The following ZNF510 variants were observed in gnomAD, a reference collection of about 807,000 sequenced individuals.
ZNF510 encodes zinc finger protein 510.
In ZNF510, 15 loss-of-function variants were observed where a neutral mutation model predicts 18.1. The ratio of observed to expected loss-of-function variants is 0.83; its 90% CI spans 0.55 to 1.28. The LOEUF (loss-of-function observed/expected upper bound fraction) is 1.28, where lower values mean the gene tolerates loss of function less well. ZNF510 is among the 50% of genes most tolerant of loss of function. The pLI is 0.00. For synonymous variants in ZNF510, 261 were observed against 266.4 expected (o/e 0.98, Z 0.20); for missense variants, 724 against 791.8 (o/e 0.91, Z 1.03).
intron 3 of ZNF510, among the ~76,000 whole-genome samples, chr9:96,764,213 T>C (rs1849418877): frequency 6.6e-6 from 1 of 152,166 alleles, no homozygotes; most frequent in Admixed American, 6.5e-5. Flanking sequence ...AAAATGTAAA[T>C]AAACTTCCTA....
Position 96,759,038 on chromosome 9 carries a change from T to A in ZNF510, c.1792A>T (p.Lys598Ter). 1 of 1,614,040 alleles carries A rather than the reference T, an allele frequency of 6.2e-7. No individual in the cohort carries two copies. ...RVHQRIHTGEKPFKCNECGKK... is the reference protein window; with the variant it reads ...RVHQRIHTGE ...CCACATTCATTACATTTAAATGGTT[T>A]CTCCCCAGTGTGAATTCTTTGATGC... The change falls in exon 6 of 6, where the codon AAA becomes TAA. Residue 598 changes from lysine (K) to a stop codon, truncating the protein, a stop_gained. Transcript: ENST00000223428. LOFTEE classifies it low-confidence loss of function (END_TRUNC).
chr9:96,761,744 A>AT lies in ZNF510; in HGVS notation c.353-1268dup, dbSNP rs535246392. ...TACATAAATATAGCCATATATGCAT[A>AT]TTTTTTCTTTTGGTTAATATTATGT... On this transcript the variant is annotated intron_variant, in intron 5 of 5. Coordinates refer to ENST00000223428, the MANE Select transcript of ZNF510 (RefSeq NM_014930.3). 2.4e-4 allele frequency among the ~76,000 whole-genome samples: 36 copies of AT among 152,118 alleles called. 1 individual carries two copies. In the South Asian group the frequency reaches 7.1e-3, roughly 30 times the overall value.
In ZNF510 at chr9:96,776,237, C is replaced by T. The variant is rs1321201367; in HGVS notation, c.-168G>A. Reference sequence around the variant, plus strand: ...CGGTGGGACTCCTGTTCCTGGGGCTCCCTCCTTCCTGCAACATAAAGAGCT... The same window carrying T: ...CGGTGGGACTCCTGTTCCTGGGGCTTCCTCCTTCCTGCAACATAAAGAGCT... On this transcript the variant is annotated 5_prime_UTR_variant, in exon 2 of 6. Coordinates refer to ENST00000223428, the MANE Select transcript of ZNF510 (RefSeq NM_014930.3). 1.6e-6 allele frequency: 2 copies of T among 1,270,954 alleles called. No individual in the cohort carries two copies. The highest frequency in any genetic ancestry group is 3.1e-5 in the African/African-American group (2 of 64,656). The allele number at this position is 1,270,954 out of a possible 1,614,324, so 78.7% of individuals were successfully genotyped here.
chr9:96,770,484 C>T (rs1460242112), intron 3 of ZNF510, among the ~76,000 whole-genome samples: 1 of 151,508 alleles, frequency 6.6e-6, no homozygotes, highest in Admixed American at 6.6e-5. Context: ...TGCCTGTAAT[C>T]CCAGCTACTT....
intron 5 of ZNF510, among the ~76,000 whole-genome samples, chr9:96,760,880 G>A (rs757962515): frequency 4.6e-5 from 7 of 152,020 alleles, no homozygotes; most frequent in Non-Finnish European, 1.0e-4. Flanking sequence ...AGGAATTTTG[G>A]AATAGACTCA....
chr9:96,758,522 T>C lies in ZNF510; in HGVS notation c.*256A>G. On this transcript the variant is annotated 3_prime_UTR_variant, in exon 6 of 6. Transcript: ENST00000223428. ...AGCTATCTAATAGGGTATGACTTCA[T>C]TCAGGCCTATCCATAGTACTCTGAA... 1 of 401,662 alleles carries C rather than the reference T, an allele frequency of 2.5e-6. No homozygotes were observed. The highest frequency in any genetic ancestry group is 4.4e-6 in the Non-Finnish European group (1 of 226,898). The allele number at this position is 401,662 out of a possible 1,614,324, so 24.9% of individuals were successfully genotyped here. A position where few individuals can be genotyped will look rare whatever the true frequency, so the allele number is the denominator to read the frequency against.
At chr9:96,769,726 G>A (rs1849547732) in intron 3 of ZNF510, among the ~76,000 whole-genome samples, 1 of 152,050 alleles carries the variant, frequency 6.6e-6, no homozygotes, top group African/African-American at 2.4e-5. Context: ...TCTTATAACT[G>A]AACAACAAAA....
At position 96,755,515 on chromosome 9, in the gene ZNF510, G is replaced by T. The variant is rs1432533615; in HGVS notation, c.*3263C>A. Reference sequence around the variant, plus strand: ...CATTTTCTTGGTAAGGCTGCTGGCAGTTCTACAGTTACAATGTAACTGGCC... The same window carrying T: ...CATTTTCTTGGTAAGGCTGCTGGCATTTCTACAGTTACAATGTAACTGGCC... On this transcript the variant is annotated 3_prime_UTR_variant, in exon 6 of 6. Transcript: ENST00000223428. Among the ~76,000 whole-genome samples, 1 of 152,132 alleles carries T rather than the reference G, an allele frequency of 6.6e-6. No individual in the cohort carries two copies. Among genetic ancestry groups the T allele is most frequent in the East Asian group, 1.9e-4 (1 of 5,180 alleles).
Position 96,759,046 on chromosome 9 carries a change from G to A in ZNF510, c.1784C>T (p.Thr595Ile), listed in dbSNP as rs1403397937. 6.2e-7 allele frequency: 1 copy of A among 1,613,868 alleles called. No homozygotes were observed. The highest frequency in any genetic ancestry group is 8.5e-7 in the Non-Finnish European group (1 of 1,179,976). ...ATTACATTTAAATGGTTTCTCCCCA[G>A]TGTGAATTCTTTGATGCACTCTGAG... ...STLRVHQRIH[T>I]GEKPFKCNEC... Residue 595 changes from threonine to isoleucine, a missense_variant, in exon 6 of 6, where the codon ACT (threonine) becomes ATT (isoleucine). By Grantham distance (89) the Thr-to-Ile change is moderately conservative. Coordinates refer to ENST00000223428, the MANE Select transcript of ZNF510 (RefSeq NM_014930.3).
intron 3 of ZNF510, 51 bp from the exon 4 acceptor site, chr9:96,763,683 T>A: frequency 6.7e-7 from 1 of 1,498,536 alleles, no homozygotes; most frequent in Non-Finnish European, 8.9e-7. Context: ...TTAGATGATG[T>A]AGAAAATAGC....
chr9:96,769,418 C>G (rs1849540694), intron 3 of ZNF510, among the ~76,000 whole-genome samples: 1 of 146,334 alleles, frequency 6.8e-6, no homozygotes, highest in African/African-American at 2.6e-5. Context: ...GCCTGGGCAA[C>G]AGACAAAGAT....
In ZNF510 at chr9:96,754,917, C is replaced by A. The variant is rs555713996; in HGVS notation, c.*3861G>T. Among the ~76,000 whole-genome samples the A allele has an allele frequency of 6.6e-6, 1 of 152,194 alleles. No homozygotes were observed. Among genetic ancestry groups the A allele is most frequent in the Non-Finnish European group, 1.5e-5 (1 of 68,034 alleles). On this transcript the variant is annotated 3_prime_UTR_variant, in exon 6 of 6. Transcript: ENST00000223428. Reference sequence around the variant, plus strand: ...TGAAGGCCCTTAGTGGGTGGGCAGACAGAAAATCAGCTCCTCCAGAGTCTC... The same window carrying A: ...TGAAGGCCCTTAGTGGGTGGGCAGAAAGAAAATCAGCTCCTCCAGAGTCTC...
chr9:96,769,557 C>T (rs1849544253), intron 3 of ZNF510, among the ~76,000 whole-genome samples: 3 of 151,892 alleles, frequency 2.0e-5, no homozygotes, highest in Admixed American at 2.0e-4. Flanking sequence ...CAATGACTTC[C>T]TGGATATGAT....
intron 1 of ZNF510, among the ~76,000 whole-genome samples, chr9:96,777,132 CAGG>C (rs1309528170): frequency 6.6e-6 from 1 of 152,154 alleles, no homozygotes. Context: ...AAGACAGAGA[CAGG>C]AGGGACAGCA....
At position 96,760,224 on chromosome 9, in the gene ZNF510, A is replaced by G. The variant is rs1000130902; in HGVS notation, c.606T>C (p.Gly202=). The change falls in exon 6 of 6, where the codon GGT becomes GGC. Residue 202 remains glycine (G), a synonymous_variant. Coordinates refer to ENST00000223428, the MANE Select transcript of ZNF510 (RefSeq NM_014930.3). The part of the protein sequence containing the change: ...NNRNYSTKKI[G]CGNVCENSPF... Reference sequence around the variant, plus strand: ...GTGAATTCTCACATACATTACCGCAACCTATTTTCTTTGTTGAATAGTTTC... The same window carrying G: ...GTGAATTCTCACATACATTACCGCAGCCTATTTTCTTTGTTGAATAGTTTC... 1.2e-6 allele frequency: 2 copies of G among 1,612,892 alleles called. No individual in the cohort carries two copies. The highest frequency in any genetic ancestry group is 1.7e-6 in the Non-Finnish European group (2 of 1,179,644).
In ZNF510 at chr9:96,758,436, T is replaced by A; in HGVS notation, c.*342A>T. Reference sequence around the variant, plus strand: ...AGGAGATTGGGAAATCTGGACTATGTGCCTGGAGTAAAATGAAATTGGTGC... The same window carrying A: ...AGGAGATTGGGAAATCTGGACTATGAGCCTGGAGTAAAATGAAATTGGTGC... On this transcript the variant is annotated 3_prime_UTR_variant, in exon 6 of 6. Transcript: ENST00000223428. 1 of 197,784 alleles carries A rather than the reference T, an allele frequency of 5.1e-6. No individual in the cohort carries two copies. Among genetic ancestry groups the A allele is most frequent in the Non-Finnish European group, 1.0e-5 (1 of 97,438 alleles). 12.3% of individuals were successfully genotyped at this position (197,784 alleles called of 1,614,324 possible). A position where few individuals can be genotyped will look rare whatever the true frequency, so the allele number is the denominator to read the frequency against.
chr9:96,760,478 C>T lies in ZNF510; in HGVS notation c.353-1G>A. ...ATCAGGTCATCACCTCTGTAATCTTCTAAAACAGAAATATTGAAAACATCT... is the reference window on the plus strand; with the variant it reads ...ATCAGGTCATCACCTCTGTAATCTTTTAAAACAGAAATATTGAAAACATCT... On this transcript the variant is annotated splice_acceptor_variant, in intron 5 of 5. Transcript: ENST00000223428. LOFTEE classifies it high-confidence loss of function. 1.3e-6 allele frequency: 2 copies of T among 1,580,864 alleles called. No individual in the cohort carries two copies. Among genetic ancestry groups the T allele is most frequent in the Non-Finnish European group, 1.7e-6 (2 of 1,165,078 alleles).
At chr9:96,765,704 G>T (rs1160312091) in intron 3 of ZNF510, among the ~76,000 whole-genome samples, 1 of 151,966 alleles carries the variant, frequency 6.6e-6, no homozygotes, top group South Asian at 2.1e-4. Flanking sequence ...GTAGAGATGG[G>T]GTTTCACCAT....
chr9:96,764,265 C>A (rs761575345), intron 3 of ZNF510, among the ~76,000 whole-genome samples: 2 of 152,206 alleles, frequency 1.3e-5, no homozygotes, highest in Non-Finnish European at 2.9e-5. Context: ...GGGCATACAT[C>A]ATGGCAGGAG....
Sources: gnomAD v4.1 joint callset for allele counts (sites outside exome capture counted in the v4.1 genomes callset) on GRCh38, gnomAD v4.1.1 for gene constraint, MANE v1.5 for transcripts, NCBI Gene and HGNC (gene_info 2026-07-23, HGNC 2026-07-21) for gene names.